Variants in CHSY3 observed in about 807,000 individuals in gnomAD.
The protein encoded by CHSY3 is N-acetylgalactosaminyl-proteoglycan 3-beta-glucuronosyltransferase 3.
CHSY3 carries 35 observed loss-of-function variants against 67.2 expected under a neutral mutation model. The observed-to-expected ratio is 0.52, with a 90% CI of 0.40 to 0.69. The LOEUF (loss-of-function observed/expected upper bound fraction) is 0.69. CHSY3 is among the 30% of genes least tolerant of loss of function. The pLI is 0.00. For synonymous variants in CHSY3, 474 were observed against 434.7 expected, an observed-to-expected ratio of 1.09 and a Z score of -1.12; for missense variants, 1,069 against 1,138.5, an observed-to-expected ratio of 0.94 and a Z score of 0.88.
chr5:129,966,870 G>C (rs1428953790), intron 2 of CHSY3, among the ~76,000 whole-genome samples: 1 of 151,910 alleles, frequency 6.6e-6, no homozygotes, highest in East Asian at 1.9e-4. Flanking sequence ...TTTCTTTCTT[G>C]ATGATCAAGT....
intron 2 of CHSY3, among the ~76,000 whole-genome samples, chr5:130,002,345 C>T (rs903037356): frequency 3.9e-5 from 6 of 152,122 alleles, no homozygotes; most frequent in African/African-American, 1.4e-4. Flanking sequence ...CTGATTTGTG[C>T]CAGGCAGCCT....
chr5:130,169,674 A>T (rs1326191018), intron 2 of CHSY3, among the ~76,000 whole-genome samples: 2 of 110,008 alleles, frequency 1.8e-5, no homozygotes, highest in African/African-American at 6.9e-5. Flanking sequence ...TGGTTGCTTG[A>T]ATTTTGGGAG....
Position 130,184,264 on chromosome 5 carries a change from T to G in CHSY3, c.1122T>G (p.Asn374Lys), listed in dbSNP as rs1212411005. 1 of 1,592,704 alleles carries G rather than the reference T, an allele frequency of 6.3e-7. No individual in the cohort carries two copies. Among genetic ancestry groups the G allele is most frequent in the Non-Finnish European group, 8.6e-7 (1 of 1,169,342 alleles). ...QQLFHENYEH[N>K]RKGYIQDLHN... ...TGTTCCATGAAAATTATGAACACAA[T>G]CGGAAGGGTTACATCCAAGACCTTC... Residue 374 changes from asparagine (N) to lysine (K), a missense_variant, in exon 3 of 3, where the codon AAT (asparagine) becomes AAG (lysine). Asn to Lys is a moderately conservative substitution (Grantham distance 94). Around this residue, in one of 5 missense-constraint regions of CHSY3, gnomAD observed 216 missense variants for 311.5 expected, o/e 0.69. Transcript: ENST00000305031.
rs1465118891 is a variant in CHSY3, at chr5:129,905,015, G to C, written c.186G>C (p.Pro62=). 6.4e-7 allele frequency: 1 copy of C among 1,563,480 alleles called. No homozygotes were observed. The highest frequency in any genetic ancestry group is 1.4e-5 in the African/African-American group (1 of 73,560). The change falls in exon 1 of 3, where the codon CCG becomes CCC. Residue 62 remains proline (P), a synonymous_variant. Coordinates refer to ENST00000305031, the MANE Select transcript of CHSY3 (RefSeq NM_175856.5). ...AAGPRAGAQQ[P]LPQPQSRPRQ... Reference sequence around the variant, plus strand: ...GCCCCCGCGCCGGCGCTCAGCAGCCGCTCCCCCAGCCCCAGTCCCGACCAC... The same window carrying C: ...GCCCCCGCGCCGGCGCTCAGCAGCCCCTCCCCCAGCCCCAGTCCCGACCAC...
At chr5:130,121,632 T>G (rs1018461801) in intron 2 of CHSY3, among the ~76,000 whole-genome samples, 1 of 152,072 alleles carries the variant, frequency 6.6e-6, no homozygotes, top group East Asian at 1.9e-4. Flanking sequence ...TTTATGTAAT[T>G]TGGGGGGTAA....
At chr5:130,004,900 G>A (rs2149641985) in intron 2 of CHSY3, among the ~76,000 whole-genome samples, 1 of 151,954 alleles carries the variant, frequency 6.6e-6, no homozygotes, top group East Asian at 1.9e-4. Context: ...TGCAATTTTT[G>A]TTATATAAAT....
chr5:129,913,745 C>A (rs148858879), intron 2 of CHSY3, among the ~76,000 whole-genome samples: 1 of 152,048 alleles, frequency 6.6e-6, no homozygotes, highest in Admixed American at 6.5e-5. Context: ...CTATTTCATT[C>A]AATTAAATGT....
chr5:130,119,056 C>T (rs1376230679), intron 2 of CHSY3, among the ~76,000 whole-genome samples: 2 of 151,672 alleles, frequency 1.3e-5, no homozygotes, highest in East Asian at 1.9e-4. Context: ...AGGATATAAA[C>T]AAACACTATC....
chr5:129,985,841 AGAAAT>A (rs1332646580), intron 2 of CHSY3, among the ~76,000 whole-genome samples: 1 of 152,174 alleles, frequency 6.6e-6, no homozygotes, highest in Non-Finnish European at 1.5e-5. Flanking sequence ...ATTGGTATAT[AGAAAT>A]GATACTGATT....
intron 2 of CHSY3, among the ~76,000 whole-genome samples, chr5:130,165,148 G>A (rs146217925): frequency 1.1e-3 from 161 of 152,202 alleles, no homozygotes; most frequent in African/African-American, 3.6e-3. Context: ...ATTACATCCC[G>A]TCTTGGAAAG....
At chr5:130,088,662 C>T (rs1275029644) in intron 2 of CHSY3, among the ~76,000 whole-genome samples, 2 of 152,080 alleles carry the variant, frequency 1.3e-5, no homozygotes. Flanking sequence ...CAAATCAAAA[C>T]CACAATGAGA....
At chr5:130,012,089 G>GA (rs1407029471) in intron 2 of CHSY3, among the ~76,000 whole-genome samples, 1 of 152,094 alleles carries the variant, frequency 6.6e-6, no homozygotes, top group African/African-American at 2.4e-5. Flanking sequence ...CAAAGAAACA[G>GA]AAAAAAATAT....
chr5:130,042,273 A>G (rs1036088184), intron 2 of CHSY3, among the ~76,000 whole-genome samples: 2 of 151,998 alleles, frequency 1.3e-5, no homozygotes, highest in Non-Finnish European at 2.9e-5. Context: ...ACAGGATATC[A>G]TTGCTACCTT....
chr5:130,038,155 G>T (rs1764911504), intron 2 of CHSY3, among the ~76,000 whole-genome samples: 1 of 152,078 alleles, frequency 6.6e-6, no homozygotes, highest in South Asian at 2.1e-4. Flanking sequence ...ACTGACTGTA[G>T]GGAGTGACTT....
At chr5:130,039,796 TAGC>T (rs1378638594) in intron 2 of CHSY3, among the ~76,000 whole-genome samples, 1 of 152,048 alleles carries the variant, frequency 6.6e-6, no homozygotes, top group Non-Finnish European at 1.5e-5. Context: ...TTCCCCTAAA[TAGC>T]AGTTGTGGCA....
chr5:130,079,969 T>C (rs1766393702), intron 2 of CHSY3, among the ~76,000 whole-genome samples: 1 of 151,702 alleles, frequency 6.6e-6, no homozygotes, highest in South Asian at 2.1e-4. Flanking sequence ...TTTGTTTGTT[T>C]TCTGCAAAGC....
chr5:130,141,402 T>G, intron 2 of CHSY3: 1 of 369,640 alleles, frequency 2.7e-6, no homozygotes, highest in Non-Finnish European at 5.4e-6. Flanking sequence ...AAGTTTGAAC[T>G]CACAGTCATT....
At chr5:130,066,519 G>C (rs909275284) in intron 2 of CHSY3, among the ~76,000 whole-genome samples, 2 of 152,196 alleles carry the variant, frequency 1.3e-5, no homozygotes, top group South Asian at 4.1e-4. Flanking sequence ...AAACTGGGGT[G>C]TATAGTGTAG....
chr5:130,089,968 G>A (rs1053067687), intron 2 of CHSY3, among the ~76,000 whole-genome samples: 1 of 152,156 alleles, frequency 6.6e-6, no homozygotes, highest in African/African-American at 2.4e-5. Flanking sequence ...GATTGAACCA[G>A]CTAAACACAG....
Sources: gnomAD v4.1 joint callset for allele counts (sites outside exome capture counted in the v4.1 genomes callset) on GRCh38, gnomAD v4.1.1 for gene constraint, gnomAD v4.1.1 regional missense constraint, MANE v1.5 for transcripts, NCBI Gene and HGNC (gene_info 2026-07-23, HGNC 2026-07-21) for gene names.